SHANK2: variants seen among roughly 807,000 people sequenced by gnomAD.
SHANK2 encodes the protein SH3 and multiple ankyrin repeat domains protein 2.
Under a neutral mutation model 133.7 loss-of-function variants are expected in SHANK2, and 43 were observed. That is an observed-to-expected ratio of 0.32 (90% CI 0.25 to 0.41). The LOEUF (loss-of-function observed/expected upper bound fraction) is 0.41, where lower values mean the gene tolerates loss of function less well. SHANK2 is among the 10% of genes least tolerant of loss of function. SHANK2 has a pLI of 1.00. For synonymous variants in SHANK2, 1,017 were observed against 952.8 expected, an observed-to-expected ratio of 1.07 and a Z score of -1.24; for missense variants, 1,994 against 2,235.8, an observed-to-expected ratio of 0.89 and a Z score of 2.18.
At chr11:70,923,551 A>AT (rs1260759517) in intron 10 of SHANK2, among the ~76,000 whole-genome samples, 1 of 151,292 alleles carries the variant, frequency 6.6e-6, no homozygotes, top group African/African-American at 2.4e-5. Flanking sequence ...TGCTTGCAAC[A>AT]TTTTTTGAGA....
intron 11 of SHANK2, among the ~76,000 whole-genome samples, chr11:70,847,756 C>T (rs1303656339): frequency 2.6e-5 from 4 of 152,206 alleles, no homozygotes; most frequent in Non-Finnish European, 5.9e-5. Flanking sequence ...ACCAGCCTGG[C>T]TTTGCCTGGG....
At chr11:71,246,139 G>C (rs576996553) in intron 1 of SHANK2, among the ~76,000 whole-genome samples, 79 of 152,126 alleles carry the variant, frequency 5.2e-4, no homozygotes, top group African/African-American at 1.5e-3. Context: ...GACAGGCTTG[G>C]AAGCTCATTT....
chr11:70,744,335 G>A (rs782657589), intron 14 of SHANK2, among the ~76,000 whole-genome samples: 4 of 152,208 alleles, frequency 2.6e-5, no homozygotes, highest in Non-Finnish European at 5.9e-5. Context: ...ACACCCTGCA[G>A]CAAGCATCAC....
intron 17 of SHANK2, among the ~76,000 whole-genome samples, chr11:70,621,584 G>A (rs967568261): frequency 1.3e-4 from 20 of 152,152 alleles, no homozygotes; most frequent in African/African-American, 4.8e-4. Context: ...AGGAGAGAGG[G>A]GACTGGAAAT....
intron 11 of SHANK2, among the ~76,000 whole-genome samples, chr11:70,848,158 A>C (rs1555064181): frequency 6.6e-6 from 1 of 152,250 alleles, no homozygotes; most frequent in African/African-American, 2.4e-5. Context: ...CTCTCCACGG[A>C]GGCTTAGCGA....
chr11:71,087,890 A>G (rs1020840201), intron 8 of SHANK2, among the ~76,000 whole-genome samples: 120 of 152,148 alleles, frequency 7.9e-4, no homozygotes, highest in Middle Eastern at 6.8e-3. Context: ...CAGCCTCCCA[A>G]AGTGCTGGGA....
chr11:70,672,312 C>T (rs1316287866), intron 15 of SHANK2, among the ~76,000 whole-genome samples: 1 of 152,192 alleles, frequency 6.6e-6, no homozygotes, highest in Non-Finnish European at 1.5e-5. Flanking sequence ...GATCCACCTG[C>T]CTCGGCCTTC....
At chr11:70,637,882 G>A (rs1201347375) in intron 17 of SHANK2, among the ~76,000 whole-genome samples, 1 of 152,224 alleles carries the variant, frequency 6.6e-6, no homozygotes, top group Non-Finnish European at 1.5e-5. Context: ...CTGGAGCCCT[G>A]TTTGGGGTCT....
At chr11:70,794,809 G>A (rs1555048784) in intron 14 of SHANK2, among the ~76,000 whole-genome samples, 1 of 152,124 alleles carries the variant, frequency 6.6e-6, no homozygotes, top group African/African-American at 2.4e-5. Flanking sequence ...ACCCGCCTTG[G>A]CCTCCCAAGG....
chr11:71,169,255 T>A (rs909835497), intron 2 of SHANK2, among the ~76,000 whole-genome samples: 12 of 152,356 alleles, frequency 7.9e-5, no homozygotes, highest in African/African-American at 2.4e-4. Context: ...GTGTTTCATT[T>A]TTCTTTAATA....
At chr11:71,171,697 C>T (rs1953316867) in intron 2 of SHANK2, among the ~76,000 whole-genome samples, 2 of 152,170 alleles carry the variant, frequency 1.3e-5, no homozygotes, top group Non-Finnish European at 2.9e-5. Flanking sequence ...CTAATCCCCT[C>T]CAGAAACCCC....
At chr11:70,737,583 C>T (rs1466354707) in intron 14 of SHANK2, among the ~76,000 whole-genome samples, 1 of 152,220 alleles carries the variant, frequency 6.6e-6, no homozygotes, top group Non-Finnish European at 1.5e-5. Context: ...ATGATACACC[C>T]CATTTCTCTC....
chr11:70,757,390 A>G (rs1591818101), intron 14 of SHANK2, among the ~76,000 whole-genome samples: 3 of 152,362 alleles, frequency 2.0e-5, no homozygotes, highest in Middle Eastern at 3.4e-3. Flanking sequence ...TCCTGCCCGC[A>G]GGGCTGGCCC....
At chr11:70,613,364 C>T (rs2060689865) in intron 17 of SHANK2, among the ~76,000 whole-genome samples, 1 of 152,078 alleles carries the variant, frequency 6.6e-6, no homozygotes, top group Non-Finnish European at 1.5e-5. Context: ...TTGCCATGTC[C>T]AGCTAATTTT....
chr11:71,122,886 C>A (rs1952105829), intron 3 of SHANK2, among the ~76,000 whole-genome samples: 1 of 152,166 alleles, frequency 6.6e-6, no homozygotes, highest in African/African-American at 2.4e-5. Flanking sequence ...GAATTTGAGA[C>A]AATACGTGTC....
intron 2 of SHANK2, among the ~76,000 whole-genome samples, chr11:71,191,154 G>A (rs1262213576): frequency 6.6e-6 from 1 of 151,588 alleles, no homozygotes; most frequent in Non-Finnish European, 1.5e-5. Context: ...CTGGGCAACA[G>A]AGCAAGACCT....
chr11:71,187,122 A>G (rs1461790758), intron 2 of SHANK2, among the ~76,000 whole-genome samples: 1 of 152,244 alleles, frequency 6.6e-6, no homozygotes, highest in African/African-American at 2.4e-5. Context: ...TGAGGTTAAT[A>G]CTGCAGTCCT....
chr11:71,084,415 C>T (rs1285068710), intron 8 of SHANK2, among the ~76,000 whole-genome samples: 1 of 152,122 alleles, frequency 6.6e-6, no homozygotes, highest in Non-Finnish European at 1.5e-5. Context: ...GTGCACCTGG[C>T]CTGAGACAAT....
intron 21 of SHANK2, among the ~76,000 whole-genome samples, chr11:70,493,936 T>C (rs1334825143): frequency 6.6e-6 from 1 of 152,160 alleles, no homozygotes; most frequent in Non-Finnish European, 1.5e-5. Context: ...CTCCAAATTG[T>C]TCTTCAAGCT....
Sources: gnomAD v4.1 joint callset for allele counts (sites outside exome capture counted in the v4.1 genomes callset) on GRCh38, gnomAD v4.1.1 for gene constraint, MANE v1.5 for transcripts, NCBI Gene and HGNC (gene_info 2026-07-23, HGNC 2026-07-21) for gene names.